The following MAGI2 variants were observed in gnomAD, a reference collection of about 807,000 sequenced individuals.
MAGI2 encodes the protein membrane-associated guanylate kinase, WW and PDZ domain-containing protein 2.
A neutral mutation model predicts 133.3 loss-of-function variants in MAGI2; 35 were observed. The ratio of observed to expected loss-of-function variants is 0.26; its 90% CI spans 0.20 to 0.35. The LOEUF (loss-of-function observed/expected upper bound fraction) is 0.35, where lower values mean the gene tolerates loss of function less well. MAGI2 is among the 10% of genes least tolerant of loss of function. The pLI is 1.00. For missense variants in MAGI2, 1,636 were observed against 1,863.4 expected, an observed-to-expected ratio of 0.88 and a Z score of 2.25; for synonymous variants, 729 against 710.6, an observed-to-expected ratio of 1.03 and a Z score of -0.41.
chr7:78,249,104 A>G (rs1042128364), intron 10 of MAGI2, among the ~76,000 whole-genome samples: 4 of 152,192 alleles, frequency 2.6e-5, no homozygotes, highest in Admixed American at 1.3e-4. Flanking sequence ...TAACAGTTAT[A>G]TGAAAAATTG....
chr7:79,057,233 C>G (rs546075147), intron 1 of MAGI2, among the ~76,000 whole-genome samples: 6 of 152,068 alleles, frequency 3.9e-5, no homozygotes, highest in African/African-American at 1.4e-4. Flanking sequence ...CATGGCTCAA[C>G]CTTTACCTTT....
intron 3 of MAGI2, among the ~76,000 whole-genome samples, chr7:78,559,000 T>C (rs947665819): frequency 6.6e-6 from 1 of 151,752 alleles, no homozygotes. Flanking sequence ...AATTTCATTT[T>C]TGCATCTTAA....
chr7:78,790,769 A>G (rs976214894), intron 2 of MAGI2, among the ~76,000 whole-genome samples: 2 of 152,100 alleles, frequency 1.3e-5, no homozygotes, highest in African/African-American at 4.8e-5. Context: ...TAATAACAAT[A>G]CAAGCAATAA....
chr7:78,655,477 C>CAAAAAAAAAAAAA (rs1812125835), intron 2 of MAGI2, among the ~76,000 whole-genome samples: 1 of 86,610 alleles, frequency 1.2e-5, no homozygotes. Flanking sequence ...AAAAAAAAAC[C>CAAAAAAAAAAAAA]ACCAGAAAAA....
At chr7:78,324,627 T>C (rs1055164691) in intron 9 of MAGI2, among the ~76,000 whole-genome samples, 2 of 152,182 alleles carry the variant, frequency 1.3e-5, no homozygotes, top group Non-Finnish European at 2.9e-5. Flanking sequence ...AGATAACCCA[T>C]TCCATTGTAA....
At chr7:78,284,490 T>C (rs1482659170) in intron 9 of MAGI2, among the ~76,000 whole-genome samples, 1 of 151,486 alleles carries the variant, frequency 6.6e-6, no homozygotes, top group Admixed American at 6.6e-5. Flanking sequence ...TCATTTCCAG[T>C]CTGAAGAAGC....
At chr7:79,214,576 G>A (rs902194879) in intron 1 of MAGI2, among the ~76,000 whole-genome samples, 18 of 139,190 alleles carry the variant, frequency 1.3e-4, no homozygotes, top group African/African-American at 2.6e-4. Context: ...CAAGGATATC[G>A]GATAGAGACA....
At chr7:78,331,749 T>A (rs892529186) in intron 9 of MAGI2, among the ~76,000 whole-genome samples, 4 of 152,194 alleles carry the variant, frequency 2.6e-5, no homozygotes, top group African/African-American at 9.7e-5. Context: ...TAATATAACA[T>A]TCCTGGTGTT....
intron 10 of MAGI2, among the ~76,000 whole-genome samples, chr7:78,238,449 C>T (rs1047167243): frequency 1.3e-5 from 2 of 152,008 alleles, no homozygotes; most frequent in Non-Finnish European, 2.9e-5. Context: ...GCCCGTAGTA[C>T]CAGCTACTGG....
intron 2 of MAGI2, among the ~76,000 whole-genome samples, chr7:78,997,779 C>T (rs968275280): frequency 6.6e-6 from 1 of 152,110 alleles, no homozygotes; most frequent in African/African-American, 2.4e-5. Flanking sequence ...TTTAGCCTCC[C>T]TTTAGCTATA....
At chr7:78,382,349 TC>T (rs1436416375) in intron 6 of MAGI2, among the ~76,000 whole-genome samples, 2 of 112,742 alleles carry the variant, frequency 1.8e-5, no homozygotes, top group Admixed American at 9.7e-5. Context: ...GCTCTCTTAT[TC>T]AAAAAAAAAA....
intron 21 of MAGI2, among the ~76,000 whole-genome samples, chr7:78,064,647 T>C (rs954212992): frequency 1.3e-5 from 2 of 152,168 alleles, no homozygotes; most frequent in African/African-American, 4.8e-5. Context: ...TATACTTATA[T>C]GGCTAACCAT....
intron 9 of MAGI2, among the ~76,000 whole-genome samples, chr7:78,317,568 C>A (rs531189499): frequency 6.6e-6 from 1 of 152,204 alleles, no homozygotes; most frequent in Non-Finnish European, 1.5e-5. Context: ...CAGCTTCAGC[C>A]GACTTAAACG....
chr7:78,431,818 C>T (rs1001487551), intron 6 of MAGI2, among the ~76,000 whole-genome samples: 5 of 150,986 alleles, frequency 3.3e-5, no homozygotes, highest in African/African-American at 2.4e-5. Context: ...CAAGGTGTCT[C>T]GTAAATAATA....
intron 10 of MAGI2, among the ~76,000 whole-genome samples, chr7:78,236,297 G>A (rs572639664): frequency 3.7e-4 from 57 of 152,172 alleles, no homozygotes; most frequent in South Asian, 1.0e-3. Flanking sequence ...ATGATGATAG[G>A]TTGCTTGAAA....
At chr7:78,603,813 G>A (rs927823635) in intron 3 of MAGI2, among the ~76,000 whole-genome samples, 31 of 152,104 alleles carry the variant, frequency 2.0e-4, no homozygotes, top group African/African-American at 6.0e-4. Context: ...GAGTCACCCC[G>A]CCCAGCCAAT....
At chr7:79,225,909 G>T (rs1830811917) in intron 1 of MAGI2, among the ~76,000 whole-genome samples, 1 of 152,130 alleles carries the variant, frequency 6.6e-6, no homozygotes, top group South Asian at 2.1e-4. Context: ...TGGGAAAATA[G>T]TTATTATGAG....
chr7:79,416,838 G>A (rs553322190), intron 1 of MAGI2, among the ~76,000 whole-genome samples: 12 of 149,166 alleles, frequency 8.0e-5, no homozygotes, highest in East Asian at 4.0e-4. Context: ...ATGTTCAAGC[G>A]ATTATCCTGC....
chr7:79,276,048 T>C (rs1835208156), intron 1 of MAGI2, among the ~76,000 whole-genome samples: 3 of 152,170 alleles, frequency 2.0e-5, no homozygotes, highest in African/African-American at 7.2e-5. Flanking sequence ...CTGCAGTCAA[T>C]GGAATAAGGA....
Sources: gnomAD v4.1 joint callset for allele counts (sites outside exome capture counted in the v4.1 genomes callset) on GRCh38, gnomAD v4.1.1 for gene constraint, MANE v1.5 for transcripts, NCBI Gene and HGNC (gene_info 2026-07-23, HGNC 2026-07-21) for gene names.